The following FERMT2 variants were observed in gnomAD, a reference collection of about 807,000 sequenced individuals.
FERMT2 encodes FERM domain containing kindlin 2.
In FERMT2, 15 loss-of-function variants were observed where a neutral mutation model predicts 82.7. That is an observed-to-expected ratio of 0.18 (90% CI 0.12 to 0.28). The LOEUF (loss-of-function observed/expected upper bound fraction) is 0.28. Ranked by LOEUF, FERMT2 falls within the 10% of genes least tolerant of loss-of-function variation. The pLI is 1.00. For synonymous variants in FERMT2, 274 were observed against 271.5 expected (o/e 1.01, Z -0.09); for missense variants, 645 against 809.4 (o/e 0.80, Z 2.46).
At chr14:52,875,115 C>T in intron 8 of FERMT2, 108 bp downstream of exon 8, 1 of 931,934 alleles carries the variant, frequency 1.1e-6, no homozygotes, top group Non-Finnish European at 1.6e-6. Flanking sequence ...CTCTCTAAAG[C>T]ATTAAATATT....
chr14:52,899,364 C>G (rs765838973), intron 3 of FERMT2, among the ~76,000 whole-genome samples: 2 of 152,186 alleles, frequency 1.3e-5, no homozygotes, highest in African/African-American at 2.4e-5. Flanking sequence ...CTCACTGCAA[C>G]CTCTGCCTCC....
intron 2 of FERMT2, chr14:52,948,611 T>C: frequency 2.2e-6 from 1 of 454,944 alleles, no homozygotes; most frequent in Non-Finnish European, 4.4e-6. Context: ...GTATCAGCAT[T>C]AAAAGATTAA....
chr14:52,894,900 AAACC>A (rs1365465867), intron 3 of FERMT2, among the ~76,000 whole-genome samples: 6 of 150,994 alleles, frequency 4.0e-5, no homozygotes, highest in Non-Finnish European at 8.9e-5. Context: ...AAAAAAAAAA[AAACC>A]CCAACCTACC....
At chr14:52,939,387 AAAAC>A (rs990151322) in intron 2 of FERMT2, among the ~76,000 whole-genome samples, 3 of 151,362 alleles carry the variant, frequency 2.0e-5, no homozygotes, top group African/African-American at 7.3e-5. Context: ...AAAAAAAAAA[AAAAC>A]AAAGAACTAT....
At chr14:52,881,950 T>C (rs897638887) in intron 4 of FERMT2, 18 of 372,414 alleles carry the variant, frequency 4.8e-5, no homozygotes, top group Non-Finnish European at 7.5e-5. Context: ...TTGTGAATCA[T>C]AAACTGAAGT....
At chr14:52,890,009 G>A (rs1382021637) in intron 4 of FERMT2, among the ~76,000 whole-genome samples, 1 of 151,312 alleles carries the variant, frequency 6.6e-6, no homozygotes, top group Non-Finnish European at 1.5e-5. Flanking sequence ...TGCGCCTATA[G>A]TCTCAGCTAC....
intron 3 of FERMT2, among the ~76,000 whole-genome samples, chr14:52,911,656 A>T (rs1594982511): frequency 7.2e-6 from 1 of 139,588 alleles, no homozygotes; most frequent in South Asian, 2.3e-4. Context: ...ATCTCAAAAT[A>T]AAAAAAAAAA....
chr14:52,868,113 C>T (rs541536200), intron 10 of FERMT2, among the ~76,000 whole-genome samples: 5 of 152,202 alleles, frequency 3.3e-5, no homozygotes, highest in African/African-American at 1.2e-4. Context: ...GTTTCTTCTG[C>T]GACTACCTCT....
At chr14:52,874,253 ATTTT>A in intron 8 of FERMT2, 27 bp from the exon 9 acceptor site, 3 of 1,484,788 alleles carry the variant, frequency 2.0e-6, no homozygotes, top group Non-Finnish European at 2.7e-6. Context: ...TCCTTTTTTA[ATTTT>A]TTTAATATTT....
At chr14:52,875,138 C>T (rs971996988) in intron 8 of FERMT2, 85 bp downstream of exon 8, 25 of 1,149,490 alleles carry the variant, frequency 2.2e-5, no homozygotes, top group Middle Eastern at 2.0e-4. Flanking sequence ...TCTCCACCAC[C>T]CCCAAATACT....
chr14:52,860,572 T>C, intron 12 of FERMT2, 107 bp from the exon 13 acceptor site: 1 of 906,078 alleles, frequency 1.1e-6, no homozygotes, highest in South Asian at 1.8e-5. Context: ...CCCAAAATCA[T>C]ATTGTAAGAG....
At chr14:52,941,033 CA>C (rs1204872835) in intron 2 of FERMT2, among the ~76,000 whole-genome samples, 2 of 152,214 alleles carry the variant, frequency 1.3e-5, no homozygotes, top group Admixed American at 1.3e-4. Context: ...ATGTTTACAG[CA>C]GCCTTATTCA....
chr14:52,866,380 C>T (rs544495253), intron 10 of FERMT2, among the ~76,000 whole-genome samples: 1 of 152,312 alleles, frequency 6.6e-6, no homozygotes, highest in South Asian at 2.1e-4. Flanking sequence ...AACCCCTCCA[C>T]TTTCTCCCCA....
intron 2 of FERMT2, among the ~76,000 whole-genome samples, chr14:52,931,304 G>A (rs560209228): frequency 1.3e-5 from 2 of 152,294 alleles, no homozygotes; most frequent in East Asian, 1.9e-4. Flanking sequence ...AACATTAAAC[G>A]TGAAAGATTA....
chr14:52,871,538 C>T (rs1428272131), intron 10 of FERMT2: 2 of 152,236 alleles, frequency 1.3e-5, no homozygotes, highest in African/African-American at 4.8e-5. Context: ...ATGCCATCTA[C>T]CTGCAGAAGA....
rs539398115 is a variant in FERMT2 at position 52,893,203 on chromosome 14, C to G, written c.526+90G>C. 1.1e-3 allele frequency: 1,290 copies of G among 1,227,024 alleles called. 3 individuals carry two copies. Among genetic ancestry groups the G allele is most frequent in the Non-Finnish European group, 1.3e-3 (1,191 of 905,932 alleles). The allele number at this position is 1,227,024 out of a possible 1,614,324, so 76.0% of individuals were successfully genotyped here. A position where few individuals can be genotyped will look rare whatever the true frequency, so the allele number is the denominator to read the frequency against. ...TTTTTAACTTGACCACTCTTCCTGA[C>G]CTACATGATCCATTTACCCACCACC... On this transcript the variant is annotated intron_variant, in intron 4 of 14. Coordinates refer to ENST00000341590, the MANE Select transcript of FERMT2 (RefSeq NM_006832.3).
At chr14:52,933,710 C>CAAAAAA in intron 2 of FERMT2, among the ~76,000 whole-genome samples, 1 of 8,432 alleles carries the variant, frequency 1.2e-4, no homozygotes, top group Non-Finnish European at 2.3e-4. Context: ...AACTCCGTCT[C>CAAAAAA]AAAAAAAAAA....
chr14:52,902,865 T>C (rs1412591782), intron 3 of FERMT2, among the ~76,000 whole-genome samples: 7 of 8,522 alleles, frequency 8.2e-4, no homozygotes, highest in Non-Finnish European at 1.5e-3. Flanking sequence ...CAAGACTCCG[T>C]CTCAAAAAAA....
In FERMT2 at chr14:52,942,306, C is replaced by CTT. The variant is rs200747260; in HGVS notation, c.157+8104_157+8105dup. ...CCTGTGAGAAAATGTTTTTCTTTTT[C>CTT]TTTTTTTTTTTTTTGAGATGGAGTC... On this transcript the variant is annotated intron_variant, in intron 2 of 14. Transcript: ENST00000341590. Among the ~76,000 whole-genome samples, 88 of 138,768 alleles carry CTT rather than the reference C, an allele frequency of 6.3e-4. 1 individual carries two copies. The highest frequency in any genetic ancestry group is 4.4e-3 in the South Asian group (19 of 4,344). The allele number at this position is 138,768 out of a possible 152,430, so 91.0% of individuals were successfully genotyped here.
Sources: allele counts gnomAD v4.1 joint callset (sites outside exome capture counted in the v4.1 genomes callset), GRCh38; gene constraint gnomAD v4.1.1; transcripts MANE v1.5; gene names NCBI Gene and HGNC (gene_info 2026-07-23, HGNC 2026-07-21).